Variants in CYRIB observed in about 807,000 individuals in gnomAD.
The protein encoded by CYRIB is CYFIP related Rac1 interactor B, also known as CYFIP-related Rac1 interactor B.
CYRIB carries 8 observed loss-of-function variants against 44.2 expected under a neutral mutation model. The observed-to-expected ratio is 0.18, with a 90% CI of 0.11 to 0.33. The LOEUF is 0.33. CYRIB is among the 10% of genes least tolerant of loss of function. CYRIB has a pLI of 1.00. For synonymous variants in CYRIB, 131 were observed against 127.2 expected (o/e 1.03, Z -0.20); for missense variants, 185 against 382.8 (o/e 0.48, Z 4.31).
At chr8:130,001,525 C>CTTTTT (rs1325066581) in intron 1 of CYRIB, among the ~76,000 whole-genome samples, 100 of 120,342 alleles carry the variant, frequency 8.3e-4, no homozygotes, top group Non-Finnish European at 1.3e-3. Flanking sequence ...AAAATAATTT[C>CTTTTT]TTTTTTTTTT....
intron 2 of CYRIB, among the ~76,000 whole-genome samples, chr8:129,967,988 T>C (rs2095552260): frequency 1.3e-5 from 2 of 152,208 alleles, no homozygotes; most frequent in South Asian, 2.1e-4. Flanking sequence ...GTATAATACT[T>C]GCAAACACAG....
At chr8:129,849,366 T>C (rs2042042843) in exon 10 of CYRIB, 2 of 1,607,286 alleles carry the variant, frequency 1.2e-6, no homozygotes, top group Admixed American at 1.7e-5. Flanking sequence ...TGCTTCTGTA[T>C]TCCCTGAAGA....
chr8:129,985,214 G>A (rs1239375651), intron 1 of CYRIB, among the ~76,000 whole-genome samples: 16 of 152,188 alleles, frequency 1.1e-4, no homozygotes. Flanking sequence ...TACCAGTAAG[G>A]GTTGTGGTGA....
chr8:129,856,223 C>T (rs1447876684), intron 5 of CYRIB, among the ~76,000 whole-genome samples: 1 of 152,158 alleles, frequency 6.6e-6, no homozygotes, highest in African/African-American at 2.4e-5. Flanking sequence ...TTTATAACCA[C>T]AAACTGTTTG....
At chr8:129,870,177 A>G (rs956830673) in intron 4 of CYRIB, among the ~76,000 whole-genome samples, 19 of 152,156 alleles carry the variant, frequency 1.2e-4, no homozygotes, top group African/African-American at 3.4e-4. Context: ...GGGAGGCCAA[A>G]GCAGGTTGGG....
intron 1 of CYRIB, among the ~76,000 whole-genome samples, chr8:129,998,835 T>C (rs1423814658): frequency 6.6e-6 from 1 of 152,170 alleles, no homozygotes; most frequent in African/African-American, 2.4e-5. Flanking sequence ...TTTCACCATG[T>C]TGGCCAAGGT....
chr8:129,937,444 T>C (rs1414595403), intron 1 of CYRIB, among the ~76,000 whole-genome samples: 1 of 152,232 alleles, frequency 6.6e-6, no homozygotes, highest in Non-Finnish European at 1.5e-5. Flanking sequence ...TGTTATTTAC[T>C]ATGTAAAGAT....
At chr8:129,921,541 A>C (rs1255743781) in intron 1 of CYRIB, among the ~76,000 whole-genome samples, 1 of 152,112 alleles carries the variant, frequency 6.6e-6, no homozygotes, top group Non-Finnish European at 1.5e-5. Flanking sequence ...CAGCAGCCTT[A>C]ATCTCCCAGG....
In CYRIB at chr8:129,855,236, C is replaced by G. The variant is rs552981914; in HGVS notation, c.438+375G>C. ...TGAAACCCCGTCTCTACTAAAAATA[C>G]AAAAATTAGCCAGGCGTGGTGGCAC... On this transcript the variant is annotated intron_variant, in intron 6 of 11. Transcript: ENST00000519824. Among the ~76,000 whole-genome samples the G allele has an allele frequency of 3.9e-5, 6 of 152,022 alleles. No individual in the cohort carries two copies. In the East Asian group the frequency reaches 1.2e-3, roughly 29 times the overall value.
chr8:129,856,909 G>T (rs1326448781), intron 5 of CYRIB, among the ~76,000 whole-genome samples: 3 of 152,160 alleles, frequency 2.0e-5, no homozygotes, highest in Non-Finnish European at 4.4e-5. Context: ...CGTAGCCTCT[G>T]TAACTTTATA....
intron 1 of CYRIB, among the ~76,000 whole-genome samples, chr8:129,931,624 C>T (rs552078261): frequency 6.6e-6 from 1 of 152,120 alleles, no homozygotes; most frequent in African/African-American, 2.4e-5. Context: ...GTTCTTATCA[C>T]ATGCCAGGAA....
chr8:129,985,360 G>T (rs1387497249), intron 1 of CYRIB, among the ~76,000 whole-genome samples: 4 of 152,090 alleles, frequency 2.6e-5, no homozygotes, highest in African/African-American at 7.2e-5. Flanking sequence ...CCTGGCCCGG[G>T]AAAGCTCCAC....
chr8:129,970,037 A>G (rs2132130170), intron 2 of CYRIB, among the ~76,000 whole-genome samples: 1 of 152,350 alleles, frequency 6.6e-6, no homozygotes, highest in South Asian at 2.1e-4. Flanking sequence ...CACTAAGTGC[A>G]AAGGGCATGA....
At chr8:129,987,052 A>G (rs945189746) in intron 1 of CYRIB, among the ~76,000 whole-genome samples, 6 of 152,218 alleles carry the variant, frequency 3.9e-5, no homozygotes, top group African/African-American at 1.4e-4. Flanking sequence ...TGAAGCCACT[A>G]GGAAAGGGGT....
At chr8:129,876,646 A>G (rs1345635437) in intron 3 of CYRIB, among the ~76,000 whole-genome samples, 2 of 152,234 alleles carry the variant, frequency 1.3e-5, no homozygotes, top group Non-Finnish European at 2.9e-5. Context: ...CAAATGCACT[A>G]GAGTATGTCA....
chr8:130,004,087 A>G (rs2096973228), intron 1 of CYRIB, among the ~76,000 whole-genome samples: 1 of 152,178 alleles, frequency 6.6e-6, no homozygotes, highest in Admixed American at 6.5e-5. Flanking sequence ...TCTGTCTCTC[A>G]CAGCAGACAA....
intron 10 of CYRIB, among the ~76,000 whole-genome samples, chr8:129,849,008 C>A (rs1389748967): frequency 6.6e-6 from 1 of 152,066 alleles, no homozygotes; most frequent in Non-Finnish European, 1.5e-5. Flanking sequence ...GTAGTAGAAG[C>A]CTTCCAGGAG....
At chr8:130,000,407 T>C (rs1053476912) in intron 1 of CYRIB, among the ~76,000 whole-genome samples, 1 of 152,154 alleles carries the variant, frequency 6.6e-6, no homozygotes, top group Non-Finnish European at 1.5e-5. Context: ...AAGATGCCAA[T>C]TTAGGCCAGG....
At chr8:129,962,868 C>G (rs947088833) in intron 2 of CYRIB, among the ~76,000 whole-genome samples, 1 of 152,178 alleles carries the variant, frequency 6.6e-6, no homozygotes, top group Non-Finnish European at 1.5e-5. Context: ...CAAACGGTAC[C>G]CGCATTTCCC....
Sources: allele counts gnomAD v4.1 joint callset (sites outside exome capture counted in the v4.1 genomes callset), GRCh38; gene constraint gnomAD v4.1.1; transcripts MANE v1.5; gene names NCBI Gene and HGNC (gene_info 2026-07-23, HGNC 2026-07-21).